Variants in ENTPD3 observed in about 807,000 individuals in gnomAD.
ENTPD3 encodes the protein ectonucleoside triphosphate diphosphohydrolase 3.
Under a neutral mutation model 51.2 loss-of-function variants are expected in ENTPD3, and 60 were observed. The ratio of observed to expected loss-of-function variants is 1.17; its 90% CI spans 0.95 to 1.45. ENTPD3 has a LOEUF of 1.45. Among genes scored for constraint, ENTPD3 ranks in the 40% most tolerant of loss-of-function variants. ENTPD3 has a pLI of 0.00. For missense variants in ENTPD3, 593 were observed against 641.1 expected, an observed-to-expected ratio of 0.93 and a Z score of 0.81; for synonymous variants, 221 against 238.4, an observed-to-expected ratio of 0.93 and a Z score of 0.67.
At chr3:40,404,893 T>A (rs1955454920) in intron 4 of ENTPD3, among the ~76,000 whole-genome samples, 1 of 152,170 alleles carries the variant, frequency 6.6e-6, no homozygotes, top group Non-Finnish European at 1.5e-5. Context: ...TTCTTTCTGG[T>A]TGGTATCAAC....
At chr3:40,402,826 G>T (rs1391866763) in intron 4 of ENTPD3, among the ~76,000 whole-genome samples, 1 of 152,168 alleles carries the variant, frequency 6.6e-6, no homozygotes, top group Non-Finnish European at 1.5e-5. Context: ...TCTATGAAAA[G>T]TGTTATAATT....
At chr3:40,416,661 T>C (rs1955754647) in intron 7 of ENTPD3, among the ~76,000 whole-genome samples, 1 of 152,200 alleles carries the variant, frequency 6.6e-6, no homozygotes, top group Non-Finnish European at 1.5e-5. Flanking sequence ...CTATTGCTAA[T>C]ATTAAACTCA....
At chr3:40,391,891 T>C (rs1043779618) in intron 2 of ENTPD3, 132 bp from the exon 3 acceptor site, 1 of 1,000,220 alleles carries the variant, frequency 1.0e-6, no homozygotes, top group Non-Finnish European at 1.5e-6. Context: ...ATCTTAGAAG[T>C]GTGGGTCTCG....
chr3:40,402,111 C>CTTTTTTTTTTTTTTTTT (rs775322652), intron 4 of ENTPD3, among the ~76,000 whole-genome samples: 39 of 97,190 alleles, frequency 4.0e-4, no homozygotes, highest in Non-Finnish European at 6.4e-4. Context: ...ATTTCCTTTC[C>CTTTTTTTTTTTTTTTTT]TTTTTTTTTT....
intron 2 of ENTPD3, chr3:40,391,313 G>C (rs1459184133): frequency 6.6e-6 from 1 of 151,910 alleles, no homozygotes; most frequent in Non-Finnish European, 1.5e-5. Flanking sequence ...TATTCTATGA[G>C]ATTATTTTTA....
intron 4 of ENTPD3, among the ~76,000 whole-genome samples, chr3:40,406,325 GA>G (rs976808785): frequency 5.3e-5 from 8 of 152,198 alleles, no homozygotes; most frequent in Admixed American, 2.0e-4. Context: ...GTGGCTGGAA[GA>G]AAGATGAGAA....
At position 40,422,718 on chromosome 3, in the gene ENTPD3, T is replaced by C. The variant is rs1019349314; in HGVS notation, c.832-132T>C. ...TGTTTTATGGCTTCATAGTATTCCA[T>C]GGTGTATATGTGCCATATTTTCTTA... On this transcript the variant is annotated intron_variant, in intron 7 of 10. Transcript: ENST00000301825. 4.0e-5 allele frequency: 27 copies of C among 681,802 alleles called. No homozygotes were observed. In the Admixed American group the frequency reaches 5.1e-4, roughly 13 times the overall value. The allele number at this position is 681,802 out of a possible 1,614,324, so 42.2% of individuals were successfully genotyped here. A position where few individuals can be genotyped will look rare whatever the true frequency, so the allele number is the denominator to read the frequency against.
chr3:40,399,231 A>G (rs2125592388), intron 3 of ENTPD3, among the ~76,000 whole-genome samples: 1 of 152,240 alleles, frequency 6.6e-6, no homozygotes, highest in South Asian at 2.1e-4. Context: ...ATATATACAT[A>G]TATTGTTAGA....
chr3:40,398,551 A>T (rs1246027425), intron 3 of ENTPD3, among the ~76,000 whole-genome samples: 1 of 152,174 alleles, frequency 6.6e-6, no homozygotes, highest in Non-Finnish European at 1.5e-5. Context: ...GTGACAGATT[A>T]TGAACAATGC....
intron 5 of ENTPD3, among the ~76,000 whole-genome samples, chr3:40,412,669 T>C (rs992543788): frequency 3.3e-5 from 5 of 152,198 alleles, no homozygotes; most frequent in Non-Finnish European, 1.5e-5. Context: ...AAAACAACAC[T>C]CATTCTGCTT....
At chr3:40,414,955 C>T (rs1955712321) in intron 6 of ENTPD3, 115 bp downstream of exon 6, 2 of 1,008,996 alleles carry the variant, frequency 2.0e-6, no homozygotes, top group Admixed American at 4.0e-5. Flanking sequence ...TCACTCCTAC[C>T]ATGTAACGCA....
chr3:40,408,928 TTC>T (rs112685722), intron 4 of ENTPD3, among the ~76,000 whole-genome samples: 9,188 of 131,262 alleles, frequency 0.07, 875 homozygotes, highest in African/African-American at 0.33. Flanking sequence ...GGGAACATTT[TTC>T]TTTTTTTAGG....
chr3:40,419,220 T>C (rs981687318), intron 7 of ENTPD3, among the ~76,000 whole-genome samples: 1 of 152,206 alleles, frequency 6.6e-6, no homozygotes. Flanking sequence ...TTAGCGATTT[T>C]ATTTCTGTAG....
chr3:40,398,327 C>T (rs1280955993), intron 3 of ENTPD3, among the ~76,000 whole-genome samples: 6 of 152,140 alleles, frequency 3.9e-5, no homozygotes, highest in African/African-American at 1.2e-4. Context: ...AGGAAGGTGA[C>T]AGTTTTTCTC....
intron 10 of ENTPD3, among the ~76,000 whole-genome samples, 157 bp from the exon 11 acceptor site, chr3:40,427,115 G>A (rs1054228579): frequency 6.6e-6 from 1 of 152,136 alleles, no homozygotes; most frequent in African/African-American, 2.4e-5. Flanking sequence ...AGCCTTTGTG[G>A]CTACAGTGTG....
At chr3:40,395,716 A>T (rs754867435) in intron 3 of ENTPD3, among the ~76,000 whole-genome samples, 1 of 152,168 alleles carries the variant, frequency 6.6e-6, no homozygotes, top group South Asian at 2.1e-4. Context: ...TGCTCCCTGG[A>T]TGTTAACTCT....
At position 40,411,942 on chromosome 3, in the gene ENTPD3, G is replaced by A. The variant is rs41286046; in HGVS notation, c.417G>A (p.Thr139=). The A allele has an allele frequency of 1.8e-3, 2,895 of 1,610,908 alleles. 5 individuals carry two copies. Among genetic ancestry groups the A allele is most frequent in the Non-Finnish European group, 2.3e-3 (2,701 of 1,178,728 alleles). ...HGSTPIHLGA[T]AGMRLLRLQN... is the part of the protein sequence containing the mutation. ...CCACCCCCATTCACCTGGGAGCCAC[G>A]GCTGGGATGCGCTTGCTGAGGTAAA... Residue 139 remains threonine, a synonymous_variant, in exon 5 of 11, where the codon ACG becomes ACA. Transcript: ENST00000301825.
intron 7 of ENTPD3, among the ~76,000 whole-genome samples, chr3:40,417,121 G>A (rs1464316658): frequency 6.6e-6 from 1 of 152,062 alleles, no homozygotes; most frequent in Non-Finnish European, 1.5e-5. Flanking sequence ...AATGGCTGAG[G>A]CCCCAGGACA....
intron 7 of ENTPD3, among the ~76,000 whole-genome samples, chr3:40,421,030 T>TTA (rs1955860167): frequency 6.6e-6 from 1 of 150,996 alleles, no homozygotes; most frequent in Admixed American, 6.6e-5. Flanking sequence ...TTTAAATTTT[T>TTA]TTTTTTTTTT....
Sources: allele counts gnomAD v4.1 joint callset (sites outside exome capture counted in the v4.1 genomes callset), GRCh38; gene constraint gnomAD v4.1.1; transcripts MANE v1.5; gene names NCBI Gene and HGNC (gene_info 2026-07-23, HGNC 2026-07-21).